The following CAMTA1 variants were observed in gnomAD, a reference collection of about 807,000 sequenced individuals.
CAMTA1 encodes the protein calmodulin-binding transcription activator 1.
A neutral mutation model predicts 170.9 loss-of-function variants in CAMTA1; 27 were observed. That is an observed-to-expected ratio of 0.16 (90% CI 0.12 to 0.22). CAMTA1 has a LOEUF of 0.22. Ranked by LOEUF, CAMTA1 falls within the 10% of genes least tolerant of loss-of-function variation. The probability of loss-of-function intolerance (pLI) is 1.00; values close to 1 mark genes in which losing one functional copy is unlikely to be tolerated. For synonymous variants in CAMTA1, 833 were observed against 891.5 expected, an observed-to-expected ratio of 0.93 and a Z score of 1.17; for missense variants, 1,619 against 2,217.2, an observed-to-expected ratio of 0.73 and a Z score of 5.42.
At chr1:7,200,476 T>G (rs1245851458) in intron 4 of CAMTA1, among the ~76,000 whole-genome samples, 1 of 152,262 alleles carries the variant, frequency 6.6e-6, no homozygotes, top group Non-Finnish European at 1.5e-5. Flanking sequence ...GTTTTGGTCC[T>G]GGATTCAATC....
intron 3 of CAMTA1, among the ~76,000 whole-genome samples, chr1:6,998,432 C>T (rs547874730): frequency 6.6e-6 from 1 of 152,316 alleles, no homozygotes; most frequent in East Asian, 1.9e-4. Context: ...GCTCTCCGCA[C>T]ATGCCATGCC....
At chr1:7,587,184 G>A (rs1467878456) in intron 6 of CAMTA1, among the ~76,000 whole-genome samples, 1 of 152,044 alleles carries the variant, frequency 6.6e-6, no homozygotes, top group African/African-American at 2.4e-5. Context: ...AGGAGGTGGG[G>A]GGCCCACACA....
intron 6 of CAMTA1, among the ~76,000 whole-genome samples, chr1:7,601,630 C>T (rs1243511058): frequency 6.6e-6 from 1 of 152,248 alleles, no homozygotes; most frequent in African/African-American, 2.4e-5. Flanking sequence ...GATCACGCCA[C>T]TGCACTCCAG....
At chr1:7,390,347 G>A (rs915715416) in intron 5 of CAMTA1, among the ~76,000 whole-genome samples, 1 of 152,192 alleles carries the variant, frequency 6.6e-6, no homozygotes, top group Non-Finnish European at 1.5e-5. Flanking sequence ...TTCCAGGTGG[G>A]TGCCTTGGCC....
At chr1:7,375,025 C>T (rs1044926147) in intron 5 of CAMTA1, among the ~76,000 whole-genome samples, 1 of 152,132 alleles carries the variant, frequency 6.6e-6, no homozygotes, top group Non-Finnish European at 1.5e-5. Context: ...CTGGTGGATG[C>T]GATAACCAGC....
chr1:7,170,549 G>A (rs1454382334), intron 4 of CAMTA1, among the ~76,000 whole-genome samples: 1 of 152,096 alleles, frequency 6.6e-6, no homozygotes, highest in African/African-American at 2.4e-5. Flanking sequence ...CCACTTCTGA[G>A]TGAGAACATG....
chr1:7,094,852 C>G (rs1008313379), intron 4 of CAMTA1, among the ~76,000 whole-genome samples: 6 of 152,158 alleles, frequency 3.9e-5, no homozygotes, highest in African/African-American at 1.4e-4. Context: ...TTGGCACTTG[C>G]TGTGTGCTCA....
chr1:7,418,809 C>G (rs2091367842), intron 5 of CAMTA1, among the ~76,000 whole-genome samples: 1 of 152,218 alleles, frequency 6.6e-6, no homozygotes, highest in South Asian at 2.1e-4. Flanking sequence ...CGCTGCTCTC[C>G]TGCCCACCTC....
chr1:7,296,277 G>C (rs1673929030), intron 5 of CAMTA1, among the ~76,000 whole-genome samples: 2 of 152,186 alleles, frequency 1.3e-5, no homozygotes, highest in Admixed American at 1.3e-4. Flanking sequence ...AGAGAGTTAA[G>C]TATTTTGGCC....
chr1:7,091,351 A>G lies in CAMTA1; in HGVS notation c.282A>G (p.Leu94=). ...LITFEKHEEW[L]TTSPKTRPQN... ...CATTTGAGAAACACGAAGAATGGCT[A>G]ACCACCTCCCCTAAGACAAGGTAAT... Residue 94 remains leucine (L), a synonymous_variant, in exon 4 of 23, where the codon CTA becomes CTG. Transcript: ENST00000303635. The G allele has an allele frequency of 6.2e-7, 1 of 1,612,736 alleles. No individual in the cohort carries two copies. The highest frequency in any genetic ancestry group is 1.1e-5 in the South Asian group (1 of 91,042).
chr1:7,468,415 G>C (rs1348046338), intron 6 of CAMTA1, among the ~76,000 whole-genome samples: 2 of 152,216 alleles, frequency 1.3e-5, no homozygotes, highest in Non-Finnish European at 2.9e-5. Context: ...ACAGGTTGTG[G>C]CTGGGCATGC....
Position 6,984,607 on chromosome 1 carries a change from C to T in CAMTA1, c.235-106697C>T, listed in dbSNP as rs959226568. ...CTGCCTGGGTAACACAGTGAGACTC[C>T]ATCTTAAAAAAGAAAATACTCACAA... On this transcript the variant is annotated intron_variant, in intron 3 of 22. Coordinates refer to ENST00000303635, the MANE Select transcript of CAMTA1 (RefSeq NM_015215.4). 2.6e-5 allele frequency among the ~76,000 whole-genome samples: 4 copies of T among 151,090 alleles called. 1 individual carries two copies. The South Asian group carries it at 8.3e-4, about 31-fold the overall frequency.
At chr1:7,279,201 T>C (rs1022224660) in intron 5 of CAMTA1, among the ~76,000 whole-genome samples, 2 of 152,154 alleles carry the variant, frequency 1.3e-5, no homozygotes, top group South Asian at 4.2e-4. Context: ...ATGGGGCCCA[T>C]GAAAGCTTGT....
At chr1:6,944,702 G>A (rs186279567) in intron 3 of CAMTA1, among the ~76,000 whole-genome samples, 40 of 152,250 alleles carry the variant, frequency 2.6e-4, no homozygotes, top group Admixed American at 8.5e-4. Flanking sequence ...TGTTTCTCTC[G>A]TTTAAAATAA....
chr1:7,197,564 G>A (rs1210981426), intron 4 of CAMTA1, among the ~76,000 whole-genome samples: 1 of 151,474 alleles, frequency 6.6e-6, no homozygotes, highest in African/African-American at 2.4e-5. Context: ...GAACCTGCGT[G>A]TGGGATGTTC....
At chr1:7,729,689 A>G (rs889958091) in intron 11 of CAMTA1, among the ~76,000 whole-genome samples, 4 of 152,164 alleles carry the variant, frequency 2.6e-5, no homozygotes, top group African/African-American at 9.7e-5. Context: ...GGTTATCTCC[A>G]TGTGCCTCAG....
At chr1:7,499,985 GTA>G (rs996644498) in intron 6 of CAMTA1, among the ~76,000 whole-genome samples, 3 of 146,242 alleles carry the variant, frequency 2.1e-5, no homozygotes, top group Non-Finnish European at 4.5e-5. Flanking sequence ...GCGTGCATAG[GTA>G]TATGAGTGTG....
chr1:7,343,108 T>G (rs2083959230), intron 5 of CAMTA1, among the ~76,000 whole-genome samples: 1 of 152,196 alleles, frequency 6.6e-6, no homozygotes, highest in South Asian at 2.1e-4. Context: ...GATCGCCCAG[T>G]CTAGCCCAGA....
intron 11 of CAMTA1, among the ~76,000 whole-genome samples, chr1:7,705,583 G>C (rs1201558154): frequency 2.0e-5 from 3 of 151,556 alleles, no homozygotes; most frequent in Admixed American, 2.0e-4. Flanking sequence ...GAGTGTGTTG[G>C]GGCGCTCGGC....
Sources: allele counts gnomAD v4.1 joint callset (sites outside exome capture counted in the v4.1 genomes callset), GRCh38; gene constraint gnomAD v4.1.1; transcripts MANE v1.5; gene names NCBI Gene and HGNC (gene_info 2026-07-23, HGNC 2026-07-21).